The following CHRM5 variants were observed in gnomAD, a reference collection of about 807,000 sequenced individuals.
The protein encoded by CHRM5 is muscarinic acetylcholine receptor M5.
A neutral mutation model predicts 39.0 loss-of-function variants in CHRM5; 18 were observed. That is an observed-to-expected ratio of 0.46 (90% CI 0.32 to 0.68). The LOEUF (loss-of-function observed/expected upper bound fraction) is 0.68, where lower values mean the gene tolerates loss of function less well. CHRM5 is among the 30% of genes least tolerant of loss of function. CHRM5 has a pLI of 0.04. For missense variants in CHRM5, 515 were observed against 651.1 expected (o/e 0.79, Z 2.28); for synonymous variants, 241 against 246.3 (o/e 0.98, Z 0.20).
At chr15:34,008,483 CTTTTTTTTTTTTT>C (rs200355232) in intron 1 of CHRM5, among the ~76,000 whole-genome samples, 88,386 of 122,024 alleles carry the variant, frequency 0.72, 33,803 homozygotes, top group Non-Finnish European at 0.84. Flanking sequence ...GATGAAAAAC[CTTTTTTTTTTTTT>C]TTTTTTTTTT....
rs973017331 is a variant in CHRM5 at position 34,063,420 on chromosome 15, T to C, written c.703T>C (p.Ser235Pro). The change falls in exon 3 of 3, where the codon TCT (serine) becomes CCT (proline). Residue 235 changes from serine (S) to proline (P), a missense_variant. Transcript: ENST00000383263. The surrounding 1 kb of genome is among the most constrained non-coding windows in gnomAD (Gnocchi z 4.1). ...KDLADLQGSD[S>P]VTKAEKRKPA... ...CCTGGCTGACCTCCAGGGTTCTGACTCTGTGACCAAAGCTGAGAAGAGAAA... is the reference window on the plus strand; with the variant it reads ...CCTGGCTGACCTCCAGGGTTCTGACCCTGTGACCAAAGCTGAGAAGAGAAA... 6.2e-7 allele frequency: 1 copy of C among 1,613,924 alleles called. No individual in the cohort carries two copies. Among genetic ancestry groups the C allele is most frequent in the Non-Finnish European group, 8.5e-7 (1 of 1,180,014 alleles).
intron 1 of CHRM5, among the ~76,000 whole-genome samples, chr15:33,993,942 TTA>T (rs1567455001): frequency 6.6e-6 from 1 of 152,252 alleles, no homozygotes; most frequent in Non-Finnish European, 1.5e-5. Context: ...ATTCATCCAC[TTA>T]TTTAAGTATT....
At chr15:34,037,937 T>C (rs1899225865) in intron 1 of CHRM5, among the ~76,000 whole-genome samples, 1 of 152,308 alleles carries the variant, frequency 6.6e-6, no homozygotes, top group Middle Eastern at 3.4e-3. Context: ...GGTCTTGTCC[T>C]ACAGATGTTA....
chr15:34,038,924 TCCG>T (rs1462626350), intron 1 of CHRM5: 1 of 718,276 alleles, frequency 1.4e-6, no homozygotes, highest in South Asian at 5.1e-5. Context: ...CGCCGCCGCC[TCCG>T]CCGCCGCCTC....
chr15:34,029,664 AG>A (rs1174420494), intron 1 of CHRM5, among the ~76,000 whole-genome samples: 1 of 152,226 alleles, frequency 6.6e-6, no homozygotes, highest in Non-Finnish European at 1.5e-5. Context: ...AAGGACACCA[AG>A]GGAAAATAGG....
intron 1 of CHRM5, among the ~76,000 whole-genome samples, chr15:33,980,094 A>G (rs569356237): frequency 8.7e-4 from 132 of 152,380 alleles, no homozygotes; most frequent in Middle Eastern, 3.4e-3. Context: ...ATTGTTTAAC[A>G]TTATCTCATA....
At chr15:33,992,640 C>T (rs16958535) in intron 1 of CHRM5, among the ~76,000 whole-genome samples, 13,757 of 143,170 alleles carry the variant, frequency 0.096, 727 homozygotes, top group South Asian at 0.23. Flanking sequence ...ACTATATTGG[C>T]ACAAACTATA....
intron 1 of CHRM5, among the ~76,000 whole-genome samples, chr15:33,984,934 T>C (rs1896357900): frequency 6.6e-6 from 1 of 152,136 alleles, no homozygotes. Flanking sequence ...AGATCTACCC[T>C]CAAGAGATGA....
At chr15:33,978,174 T>A (rs956475206) in intron 1 of CHRM5, among the ~76,000 whole-genome samples, 13 of 151,954 alleles carry the variant, frequency 8.6e-5, no homozygotes, top group African/African-American at 2.9e-4. Flanking sequence ...AGAGGAAATT[T>A]CTCTCTAGGC....
intron 1 of CHRM5, among the ~76,000 whole-genome samples, chr15:34,036,644 A>T (rs1220543154): frequency 6.6e-6 from 1 of 152,208 alleles, no homozygotes; most frequent in Non-Finnish European, 1.5e-5. Context: ...CCAAACCAAA[A>T]TTAAGGAACA....
At chr15:34,033,407 G>A (rs1340381988) in intron 1 of CHRM5, among the ~76,000 whole-genome samples, 4 of 151,946 alleles carry the variant, frequency 2.6e-5, no homozygotes, top group African/African-American at 9.7e-5. Context: ...TCAGGAGGCT[G>A]AGGCAGGAGA....
intron 1 of CHRM5, among the ~76,000 whole-genome samples, chr15:34,036,513 A>G (rs1899135171): frequency 6.6e-6 from 1 of 152,196 alleles, no homozygotes; most frequent in South Asian, 2.1e-4. Context: ...AGAAGGCTTC[A>G]GGAAAGTCAA....
Position 34,044,166 on chromosome 15 carries a change from T to C in CHRM5, c.-407-2374T>C, listed in dbSNP as rs187369535. 3.2e-3 allele frequency among the ~76,000 whole-genome samples: 486 copies of C among 152,288 alleles called. 3 individuals are homozygous for C. Among genetic ancestry groups the C allele is most frequent in the African/African-American group, 0.011 (446 of 41,546 alleles). On this transcript the variant is annotated intron_variant, in intron 1 of 2. Transcript: ENST00000383263. ...TGCATCATTTCTCTACTCCTTTTTATAGCAAAGTTCCTCAGAAGAGTCATC... is the reference window on the plus strand; with the variant it reads ...TGCATCATTTCTCTACTCCTTTTTACAGCAAAGTTCCTCAGAAGAGTCATC...
chr15:34,056,437 G>A (rs1394250167), intron 2 of CHRM5, among the ~76,000 whole-genome samples: 1 of 152,230 alleles, frequency 6.6e-6, no homozygotes, highest in Non-Finnish European at 1.5e-5. Flanking sequence ...AGAAAGGCTA[G>A]ATAAGCTAAG....
At chr15:33,992,109 G>A (rs478125) in intron 1 of CHRM5, 82,196 of 152,148 alleles carry the variant, frequency 0.54, 23,454 homozygotes, top group Non-Finnish European at 0.65. Flanking sequence ...AAATCAGGCC[G>A]GGCGCGATGG....
At chr15:34,029,839 CAG>C (rs1898687456) in intron 1 of CHRM5, among the ~76,000 whole-genome samples, 1 of 152,148 alleles carries the variant, frequency 6.6e-6, no homozygotes, top group Admixed American at 6.5e-5. Context: ...AAATATTGAA[CAG>C]AGACACTCTA....
chr15:34,025,886 C>T (rs1898447733), intron 1 of CHRM5, among the ~76,000 whole-genome samples: 1 of 152,194 alleles, frequency 6.6e-6, no homozygotes, highest in South Asian at 2.1e-4. Flanking sequence ...ACTTACCACA[C>T]ACAATACCAC....
intron 1 of CHRM5, among the ~76,000 whole-genome samples, chr15:33,987,570 A>C (rs1896532670): frequency 6.6e-6 from 1 of 152,200 alleles, no homozygotes; most frequent in South Asian, 2.1e-4. Context: ...CAGGCCAGCG[A>C]ACAATGGTTT....
At chr15:34,000,688 G>T (rs1337510164) in intron 1 of CHRM5, among the ~76,000 whole-genome samples, 1 of 152,138 alleles carries the variant, frequency 6.6e-6, no homozygotes, top group African/African-American at 2.4e-5. Context: ...CCTCTCGAAA[G>T]TAAACCAATA....
Sources: gnomAD v4.1 joint callset for allele counts (sites outside exome capture counted in the v4.1 genomes callset) on GRCh38, gnomAD v4.1.1 for gene constraint, Gnocchi (gnomAD v3.1) non-coding constraint, MANE v1.5 for transcripts, NCBI Gene and HGNC (gene_info 2026-07-23, HGNC 2026-07-21) for gene names.